KCNIP1: variants seen among roughly 807,000 people sequenced by gnomAD.
KCNIP1 encodes potassium voltage-gated channel interacting protein 1, also known as A-type potassium channel modulatory protein KCNIP1.
KCNIP1 carries 18 observed loss-of-function variants against 33.0 expected under a neutral mutation model. The ratio of observed to expected loss-of-function variants is 0.55; its 90% CI spans 0.38 to 0.81. KCNIP1 has a LOEUF of 0.81. Among genes scored for constraint, KCNIP1 ranks in the 30% least tolerant of loss-of-function variants. KCNIP1 has a pLI of 0.00. For synonymous variants in KCNIP1, 93 were observed against 98.3 expected, an observed-to-expected ratio of 0.95 and a Z score of 0.32; for missense variants, 238 against 271.6, an observed-to-expected ratio of 0.88 and a Z score of 0.87.
chr5:170,390,755 A>C (rs314130), intron 1 of KCNIP1, among the ~76,000 whole-genome samples: 132,748 of 151,238 alleles, frequency 0.88, 58,605 homozygotes, highest in Non-Finnish European at 0.92. Context: ...TCTGTCTCTG[A>C]TGACCCTGGG....
intron 1 of KCNIP1, among the ~76,000 whole-genome samples, chr5:170,372,451 G>A (rs1377196285): frequency 3.3e-5 from 5 of 152,108 alleles, no homozygotes; most frequent in African/African-American, 1.2e-4. Flanking sequence ...TCAACCTCCA[G>A]CCCCTCTTCC....
chr5:170,505,679 G>A (rs181812206), intron 1 of KCNIP1, among the ~76,000 whole-genome samples: 14 of 152,188 alleles, frequency 9.2e-5, no homozygotes, highest in Admixed American at 6.5e-4. Context: ...AACTTGGTTG[G>A]TCTCACCCTG....
intron 1 of KCNIP1, among the ~76,000 whole-genome samples, chr5:170,467,910 T>A: frequency 9.3e-6 from 1 of 106,978 alleles, no homozygotes; most frequent in South Asian, 3.3e-4. Flanking sequence ...AAAGTCAGAT[T>A]CCATCTCAAA....
chr5:170,668,545 C>T (rs6875696), intron 1 of KCNIP1, among the ~76,000 whole-genome samples: 9 of 151,944 alleles, frequency 5.9e-5, no homozygotes, highest in East Asian at 1.9e-4. Context: ...TGCTCTCTTG[C>T]GTTTACTTTT....
intron 1 of KCNIP1, among the ~76,000 whole-genome samples, chr5:170,626,896 G>T (rs535380627): frequency 6.6e-6 from 1 of 152,278 alleles, no homozygotes; most frequent in Admixed American, 6.5e-5. Flanking sequence ...AAGCCCAGAA[G>T]GCCAGATGCT....
chr5:170,356,844 T>C (rs1763362579), intron 1 of KCNIP1, among the ~76,000 whole-genome samples: 1 of 152,206 alleles, frequency 6.6e-6, no homozygotes, highest in African/African-American at 2.4e-5. Context: ...GGAAGCACTA[T>C]GCAACACCTG....
chr5:170,532,978 C>T (rs953911969), intron 1 of KCNIP1, among the ~76,000 whole-genome samples: 2 of 152,202 alleles, frequency 1.3e-5, no homozygotes, highest in African/African-American at 4.8e-5. Flanking sequence ...TTGTGCTTTC[C>T]AGGAGTCCTT....
intron 1 of KCNIP1, among the ~76,000 whole-genome samples, chr5:170,379,252 C>T (rs570067453): frequency 6.6e-6 from 1 of 152,216 alleles, no homozygotes; most frequent in East Asian, 1.9e-4. Context: ...CTTGGATTGG[C>T]TGTAGAATTT....
intron 1 of KCNIP1, among the ~76,000 whole-genome samples, chr5:170,485,383 ACATC>A (rs1302020580): frequency 2.0e-5 from 3 of 151,964 alleles, no homozygotes; most frequent in Admixed American, 2.0e-4. Context: ...ACACCTCTCC[ACATC>A]CCAAACTCAA....
At chr5:170,359,581 C>A (rs528786923) in intron 1 of KCNIP1, among the ~76,000 whole-genome samples, 7 of 152,190 alleles carry the variant, frequency 4.6e-5, no homozygotes, top group African/African-American at 1.7e-4. Context: ...AACCCTGGAA[C>A]CTCTGAGTGC....
intron 1 of KCNIP1, among the ~76,000 whole-genome samples, chr5:170,517,026 A>G (rs1755152295): frequency 6.6e-6 from 1 of 151,968 alleles, no homozygotes; most frequent in Non-Finnish European, 1.5e-5. Context: ...TAATTATTAT[A>G]TTATGGATGT....
intron 1 of KCNIP1, among the ~76,000 whole-genome samples, chr5:170,391,082 C>A (rs897495632): frequency 6.6e-6 from 1 of 152,190 alleles, no homozygotes; most frequent in African/African-American, 2.4e-5. Context: ...AGCTTCAGAC[C>A]TTGCAGGCAG....
rs181381775 is a variant in KCNIP1, at chr5:170,397,051, G to A, written c.88+43087G>A. On this transcript the variant is annotated intron_variant, in intron 1 of 7. Coordinates refer to the KCNIP1 transcript ENST00000377360. The stretch of plus-strand genomic sequence containing the variant: ...AATTTGGTATTTATTACTACAAAGA[G>A]TCTGTTTGTCATCTTAAGACCTCTG... 1.2e-4 allele frequency among the ~76,000 whole-genome samples: 18 copies of A among 152,332 alleles called. No homozygotes were observed. In the East Asian group the frequency reaches 2.7e-3, roughly 23 times the overall value.
chr5:170,578,959 A>G (rs1757698109), intron 1 of KCNIP1, among the ~76,000 whole-genome samples: 2 of 152,236 alleles, frequency 1.3e-5, no homozygotes, highest in South Asian at 2.1e-4. Context: ...TGAGGGACAG[A>G]AAGAAAGCCA....
At chr5:170,431,014 C>T (rs909259623) in intron 1 of KCNIP1, among the ~76,000 whole-genome samples, 12 of 152,204 alleles carry the variant, frequency 7.9e-5, no homozygotes, top group Admixed American at 6.5e-4. Context: ...TCCCTCCAGG[C>T]CCTCCCCTCC....
intron 1 of KCNIP1, among the ~76,000 whole-genome samples, chr5:170,365,329 C>T (rs1387936676): frequency 6.6e-6 from 1 of 152,202 alleles, no homozygotes; most frequent in Non-Finnish European, 1.5e-5. Flanking sequence ...TCCACCATTT[C>T]CACGTCCGTC....
Position 170,721,903 on chromosome 5 carries a change from G to T in KCNIP1, c.327G>T (p.Glu109Asp). The T allele has an allele frequency of 6.2e-7, 1 of 1,614,094 alleles. No individual in the cohort carries two copies. Among genetic ancestry groups the T allele is most frequent in the Non-Finnish European group, 8.5e-7 (1 of 1,180,006 alleles). ...CTCAGACAGGCTCCGTGAAGTTCGA[G>T]GTACGCTCATCTGGGGTCCACTCTA... ...DTTQTGSVKF[E>D]DFVTALSILL... Residue 109 changes from glutamate to aspartate, a missense_variant and splice_region_variant, in exon 4 of 8, where the codon GAG (glutamate) becomes GAT (aspartate). Physicochemically the swap from Glu to Asp is conservative, Grantham distance 45. Transcript: ENST00000328939.
At chr5:170,501,425 C>T (rs533127213), upstream of KCNIP1, among the ~76,000 whole-genome samples, 1 of 152,224 alleles carries the variant, frequency 6.6e-6, no homozygotes, top group South Asian at 2.1e-4. Flanking sequence ...GAAGAAGCCA[C>T]AGGCCACAAA....
At chr5:170,532,328 TGG>T (rs1169309522) in intron 1 of KCNIP1, among the ~76,000 whole-genome samples, 1 of 152,202 alleles carries the variant, frequency 6.6e-6, no homozygotes, top group Non-Finnish European at 1.5e-5. Flanking sequence ...CCCTACTCTC[TGG>T]GGTTGCATTT....
Sources: gnomAD v4.1 joint callset for allele counts (sites outside exome capture counted in the v4.1 genomes callset) on GRCh38, gnomAD v4.1.1 for gene constraint, MANE v1.5 for transcripts, NCBI Gene and HGNC (gene_info 2026-07-23, HGNC 2026-07-21) for gene names.